Variants in CDIN1 observed in about 807,000 individuals in gnomAD.
CDIN1 encodes CDAN1-interacting nuclease 1.
A neutral mutation model predicts 45.3 loss-of-function variants in CDIN1; 33 were observed. That is an observed-to-expected ratio of 0.73 (90% CI 0.55 to 0.97). The LOEUF (loss-of-function observed/expected upper bound fraction) is 0.97, where lower values mean the gene tolerates loss of function less well. Among genes scored for constraint, CDIN1 ranks in the 50% least tolerant of loss-of-function variants. The pLI is 0.00. For missense variants in CDIN1, 303 were observed against 339.4 expected, an observed-to-expected ratio of 0.89 and a Z score of 0.84; for synonymous variants, 118 against 124.4, an observed-to-expected ratio of 0.95 and a Z score of 0.34.
chr15:36,622,429 C>T (rs2039241273), intron 1 of CDIN1, among the ~76,000 whole-genome samples: 1 of 152,196 alleles, frequency 6.6e-6, no homozygotes, highest in Non-Finnish European at 1.5e-5. Context: ...CATAGAAGTA[C>T]AGCAGCTGTG....
At chr15:36,596,139 A>G (rs140393208) in intron 1 of CDIN1, among the ~76,000 whole-genome samples, 1 of 152,226 alleles carries the variant, frequency 6.6e-6, no homozygotes, top group East Asian at 1.9e-4. Flanking sequence ...TGCTAACAAA[A>G]AATATATTTA....
At chr15:36,777,696 C>T (rs1042960645) in intron 10 of CDIN1, among the ~76,000 whole-genome samples, 8 of 152,162 alleles carry the variant, frequency 5.3e-5, no homozygotes, top group Non-Finnish European at 5.9e-5. Context: ...CTGCAACCTC[C>T]GCCTCCCAGG....
chr15:36,620,058 A>G (rs1412633697), intron 1 of CDIN1, among the ~76,000 whole-genome samples: 1 of 152,186 alleles, frequency 6.6e-6, no homozygotes, highest in Non-Finnish European at 1.5e-5. Context: ...TCTTAAAAAC[A>G]TTGAAAATTT....
intron 10 of CDIN1, among the ~76,000 whole-genome samples, chr15:36,792,626 T>C (rs1308423454): frequency 6.6e-6 from 1 of 152,078 alleles, no homozygotes; most frequent in Non-Finnish European, 1.5e-5. Context: ...GGTGGATTTG[T>C]TTTAATGTAC....
At chr15:36,770,427 CT>C (rs139050330) in intron 10 of CDIN1, among the ~76,000 whole-genome samples, 15,998 of 150,818 alleles carry the variant, frequency 0.11, 1,020 homozygotes, top group Non-Finnish European at 0.15. Flanking sequence ...CAATCTCTTT[CT>C]GATGATGATG....
intron 1 of CDIN1, among the ~76,000 whole-genome samples, chr15:36,580,304 T>G (rs1055607976): frequency 6.6e-6 from 1 of 152,076 alleles, no homozygotes; most frequent in African/African-American, 2.4e-5. Context: ...GAATGATGGG[T>G]GGGAATATGA....
At chr15:36,780,519 C>T (rs2054324013) in intron 10 of CDIN1, among the ~76,000 whole-genome samples, 1 of 152,154 alleles carries the variant, frequency 6.6e-6, no homozygotes, top group Non-Finnish European at 1.5e-5. Context: ...ACCTCCACCC[C>T]ACCTTCTCTT....
At chr15:36,739,326 G>A (rs1320680486) in intron 10 of CDIN1, among the ~76,000 whole-genome samples, 1 of 152,172 alleles carries the variant, frequency 6.6e-6, no homozygotes, top group Non-Finnish European at 1.5e-5. Flanking sequence ...GATCCCTTAA[G>A]CCCAGGAGTT....
In CDIN1 at chr15:36,642,411, T is replaced by C. The variant is rs565345464; in HGVS notation, c.102-1867T>C. On this transcript the variant is annotated intron_variant, in intron 1 of 10. Coordinates refer to ENST00000566621, the MANE Select transcript of CDIN1 (RefSeq NM_001321759.2). ...TGTTACTATGTATACGTAAGTGGTT[T>C]TCTCTTTTTATTAATAGTTCTAGCC... Among the ~76,000 whole-genome samples the C allele has an allele frequency of 3.3e-5, 5 of 152,320 alleles. No individual in the cohort carries two copies. The South Asian group carries it at 1.0e-3, about 32-fold the overall frequency.
At chr15:36,703,864 G>C (rs2042766221) in intron 8 of CDIN1, among the ~76,000 whole-genome samples, 1 of 152,130 alleles carries the variant, frequency 6.6e-6, no homozygotes, top group Non-Finnish European at 1.5e-5. Context: ...AAAAGAACCA[G>C]GGCAGACAAA....
intron 10 of CDIN1, among the ~76,000 whole-genome samples, chr15:36,781,160 T>G (rs2054342530): frequency 6.6e-6 from 1 of 152,204 alleles, no homozygotes; most frequent in African/African-American, 2.4e-5. Context: ...ATCTAATGAA[T>G]GCATGTGTTA....
intron 8 of CDIN1, among the ~76,000 whole-genome samples, chr15:36,697,616 G>A (rs984634929): frequency 1.3e-5 from 2 of 152,076 alleles, no homozygotes; most frequent in African/African-American, 2.4e-5. Context: ...CTGAAAAAAT[G>A]CTTTAATATC....
chr15:36,778,997 T>C (rs2054286544), intron 10 of CDIN1, among the ~76,000 whole-genome samples: 1 of 152,204 alleles, frequency 6.6e-6, no homozygotes, highest in South Asian at 2.1e-4. Flanking sequence ...GGGGAGATAA[T>C]TAAATTTTAC....
chr15:36,690,895 G>A (rs774887928), intron 5 of CDIN1, among the ~76,000 whole-genome samples: 1 of 152,094 alleles, frequency 6.6e-6, no homozygotes, highest in Admixed American at 6.5e-5. Context: ...AGTGAGCAGC[G>A]AGGTCAGGAT....
intron 5 of CDIN1, chr15:36,691,386 C>T (rs1249692338): frequency 1.7e-5 from 5 of 290,802 alleles, no homozygotes; most frequent in East Asian, 9.3e-5. Flanking sequence ...TTTTTTTTTA[C>T]CCCAAATGGG....
At chr15:36,716,794 T>C (rs937324636) in intron 10 of CDIN1, among the ~76,000 whole-genome samples, 7 of 152,180 alleles carry the variant, frequency 4.6e-5, no homozygotes, top group African/African-American at 7.2e-5. Context: ...CTTCATGAAA[T>C]AGTTGCTTTA....
intron 5 of CDIN1, among the ~76,000 whole-genome samples, chr15:36,682,025 A>G (rs1317954758): frequency 6.6e-6 from 1 of 152,162 alleles, no homozygotes; most frequent in Admixed American, 6.6e-5. Flanking sequence ...AAAAATGGAA[A>G]TCAACTCTTA....
chr15:36,687,765 C>T (rs2042111948), intron 5 of CDIN1, among the ~76,000 whole-genome samples: 1 of 152,038 alleles, frequency 6.6e-6, no homozygotes. Flanking sequence ...TCTTAACCTA[C>T]TAGACATATC....
At chr15:36,595,836 T>C (rs1190960988) in intron 1 of CDIN1, among the ~76,000 whole-genome samples, 1 of 152,252 alleles carries the variant, frequency 6.6e-6, no homozygotes, top group Non-Finnish European at 1.5e-5. Context: ...AGGGAAGATA[T>C]TGCTGTCCTT....
Sources: gnomAD v4.1 joint callset for allele counts (sites outside exome capture counted in the v4.1 genomes callset) on GRCh38, gnomAD v4.1.1 for gene constraint, MANE v1.5 for transcripts, NCBI Gene and HGNC (gene_info 2026-07-23, HGNC 2026-07-21) for gene names.